Variants in CACNA1B observed in about 807,000 individuals in gnomAD.
CACNA1B encodes voltage-dependent N-type calcium channel subunit alpha-1B.
Under a neutral mutation model 247.2 loss-of-function variants are expected in CACNA1B, and 70 were observed. The observed-to-expected ratio is 0.28, with a 90% CI of 0.23 to 0.35. The LOEUF (loss-of-function observed/expected upper bound fraction) is 0.35, where lower values mean the gene tolerates loss of function less well. Ranked by LOEUF, CACNA1B falls within the 10% of genes least tolerant of loss-of-function variation. The pLI is 1.00. For synonymous variants in CACNA1B, 1,231 were observed against 1,294.4 expected (o/e 0.95, Z 1.05); for missense variants, 2,367 against 3,197.4 (o/e 0.74, Z 6.26).
Position 138,006,846 on chromosome 9 carries a change from C to T in CACNA1B, c.2054C>T (p.Ser685Leu). Residue 685 changes from serine (S) to leucine (L), a missense_variant, in exon 16 of 47, where the codon TCG becomes TTG. Physicochemically the swap from Ser to Leu is moderately radical, Grantham distance 145. Coordinates refer to ENST00000371372, the MANE Select transcript of CACNA1B (RefSeq NM_000718.4). ...SQGGVSKGMF[S>L]SFYFIVLTLF... Reference sequence around the variant, plus strand: ...GGCGGCGTCAGCAAAGGCATGTTCTCGTCCTTTTACTTCATTGTCCTGACA... The same window carrying T: ...GGCGGCGTCAGCAAAGGCATGTTCTTGTCCTTTTACTTCATTGTCCTGACA... 1.2e-6 allele frequency: 2 copies of T among 1,606,746 alleles called. No individual in the cohort carries two copies. Among genetic ancestry groups the T allele is most frequent in the Non-Finnish European group, 8.5e-7 (1 of 1,173,404 alleles).
At chr9:137,953,332 A>G (rs921420487) in intron 7 of CACNA1B, among the ~76,000 whole-genome samples, 6 of 152,170 alleles carry the variant, frequency 3.9e-5, no homozygotes, top group Admixed American at 2.6e-4. Context: ...TGTCCTCACT[A>G]TGATCCCTGC....
chr9:138,026,939 G>A (rs1290428734), intron 20 of CACNA1B, among the ~76,000 whole-genome samples: 2 of 152,180 alleles, frequency 1.3e-5, no homozygotes, highest in Non-Finnish European at 2.9e-5. Context: ...ATTCAGTGTT[G>A]TCAGTGTTTT....
chr9:138,087,375 A>ACT (rs1351627715), intron 36 of CACNA1B, among the ~76,000 whole-genome samples: 1 of 121,778 alleles, frequency 8.2e-6, no homozygotes, highest in Non-Finnish European at 1.6e-5. Flanking sequence ...ACAGAGTAAG[A>ACT]CTCTGTCTCA....
Position 138,102,078 on chromosome 9 carries a change from G to A in CACNA1B, c.5223-633G>A, listed in dbSNP as rs1961271295. Among the ~76,000 whole-genome samples the A allele has an allele frequency of 6.6e-6, 1 of 152,172 alleles. No homozygotes were observed. Among genetic ancestry groups the A allele is most frequent in the African/African-American group, 2.4e-5 (1 of 41,444 alleles). Reference sequence around the variant, plus strand: ...TGAGCCCCAGCAGCAGCCCTGCCCTGGGCTGGCCTCGGGCGTCTCTGGGCT... The same window carrying A: ...TGAGCCCCAGCAGCAGCCCTGCCCTAGGCTGGCCTCGGGCGTCTCTGGGCT... On this transcript the variant is annotated intron_variant, in intron 37 of 46. Coordinates refer to ENST00000371372, the MANE Select transcript of CACNA1B (RefSeq NM_000718.4). The surrounding 1 kb of genome is among the most constrained non-coding windows in gnomAD (Gnocchi z 5.4).
intron 20 of CACNA1B, among the ~76,000 whole-genome samples, chr9:138,042,662 T>G (rs1959139525): frequency 6.6e-6 from 1 of 152,220 alleles, no homozygotes. Context: ...AGTGGTCGCT[T>G]TAAACTGCTT....
chr9:137,900,674 A>T lies in CACNA1B; in HGVS notation c.531-12506A>T, dbSNP rs565920424. Among the ~76,000 whole-genome samples, 450 of 101,666 alleles carry T rather than the reference A, an allele frequency of 4.4e-3. 4 individuals carry two copies. Among genetic ancestry groups the T allele is most frequent in the African/African-American group, 0.017 (425 of 25,054 alleles). 66.7% of individuals were successfully genotyped at this position (101,666 alleles called of 152,430 possible). Reference sequence around the variant, plus strand: ...GTGCTGTGTGTCCCTGTGTTTGTGTATGTGTGTCTCTGTGTTCGTGTCTGT... The same window carrying T: ...GTGCTGTGTGTCCCTGTGTTTGTGTTTGTGTGTCTCTGTGTTCGTGTCTGT... On this transcript the variant is annotated intron_variant, in intron 3 of 46. Transcript: ENST00000371372.
chr9:137,910,222 C>T (rs562323216), intron 3 of CACNA1B, among the ~76,000 whole-genome samples: 2 of 152,228 alleles, frequency 1.3e-5, no homozygotes, highest in Admixed American at 1.3e-4. Flanking sequence ...GTCCGTTGCC[C>T]ATTTTAAAAT....
intron 15 of CACNA1B, among the ~76,000 whole-genome samples, chr9:137,989,859 G>A (rs1958411779): frequency 6.6e-6 from 1 of 152,100 alleles, no homozygotes; most frequent in Admixed American, 6.5e-5. Context: ...TACCCAAGAA[G>A]AAATTAACTG....
intron 44 of CACNA1B, among the ~76,000 whole-genome samples, chr9:138,119,597 C>G (rs539051263): frequency 6.6e-6 from 1 of 152,192 alleles, no homozygotes. Flanking sequence ...CCTCTCCTCC[C>G]TCTTAGGGTT....
chr9:137,934,147 G>A (rs1471805684), intron 6 of CACNA1B, among the ~76,000 whole-genome samples: 2 of 152,170 alleles, frequency 1.3e-5, no homozygotes, highest in African/African-American at 4.8e-5. Flanking sequence ...TTATTTTTCG[G>A]CTGTCTTTTA....
intron 34 of CACNA1B, among the ~76,000 whole-genome samples, chr9:138,074,440 C>T (rs1055253325): frequency 2.6e-5 from 4 of 152,164 alleles, no homozygotes; most frequent in African/African-American, 9.7e-5. Context: ...AGGGTTTCAC[C>T]ATGTTGGCCA....
intron 20 of CACNA1B, among the ~76,000 whole-genome samples, chr9:138,035,420 C>G (rs747658861): frequency 6.6e-6 from 1 of 152,086 alleles, no homozygotes; most frequent in East Asian, 1.9e-4. Flanking sequence ...GAGCTGTGAT[C>G]GTGCCACTGC....
At chr9:138,116,090 C>T (rs1283692167) in intron 42 of CACNA1B, among the ~76,000 whole-genome samples, 1 of 152,234 alleles carries the variant, frequency 6.6e-6, no homozygotes, top group Non-Finnish European at 1.5e-5. Flanking sequence ...CACGCACCTG[C>T]TTCCCTTTCA....
At chr9:138,081,205 C>G (rs770445026) in intron 36 of CACNA1B, among the ~76,000 whole-genome samples, 14 of 152,212 alleles carry the variant, frequency 9.2e-5, no homozygotes, top group Non-Finnish European at 1.9e-4. Flanking sequence ...CATGATACCA[C>G]ACCACGTACA....
In CACNA1B at chr9:137,954,185, CA is replaced by C. The variant is rs996351852; in HGVS notation, c.1071-1512del. Reference sequence around the variant, plus strand: ...CAGGCCCAGCAGAGGGCCCCCAAGCCAGGGGCTGGCACCCCCCATGTGGGTC... The same window carrying C: ...CAGGCCCAGCAGAGGGCCCCCAAGCCGGGGCTGGCACCCCCCATGTGGGTC... On this transcript the variant is annotated intron_variant, in intron 7 of 46. Coordinates refer to ENST00000371372, the MANE Select transcript of CACNA1B (RefSeq NM_000718.4). This position sits in a 1 kb window ranked among gnomAD's most constrained non-coding sequence, Gnocchi z 4.1. Among the ~76,000 whole-genome samples, 3 of 152,164 alleles carry C rather than the reference CA, an allele frequency of 2.0e-5. No individual in the cohort carries two copies. The highest frequency in any genetic ancestry group is 7.2e-5 in the African/African-American group (3 of 41,446).
intron 6 of CACNA1B, among the ~76,000 whole-genome samples, chr9:137,938,319 A>G (rs1957693577): frequency 6.6e-6 from 1 of 152,212 alleles, no homozygotes; most frequent in Admixed American, 6.5e-5. Flanking sequence ...TTAAAGCATA[A>G]ATCCAACAGG....
chr9:137,906,783 A>T (rs767893142), intron 3 of CACNA1B, among the ~76,000 whole-genome samples: 8 of 151,154 alleles, frequency 5.3e-5, no homozygotes, highest in African/African-American at 2.0e-4. Flanking sequence ...TAACATATGT[A>T]TTCCTCTGCA....
At chr9:137,916,816 C>T (rs963191031) in intron 5 of CACNA1B, among the ~76,000 whole-genome samples, 3 of 148,618 alleles carry the variant, frequency 2.0e-5, no homozygotes, top group African/African-American at 5.0e-5. Flanking sequence ...GTACAGTCAG[C>T]GTGGTGGTTT....
chr9:137,971,659 T>G lies in CACNA1B; in HGVS notation c.1543+67T>G. 1 of 1,387,576 alleles carries G rather than the reference T, an allele frequency of 7.2e-7. No homozygotes were observed. The highest frequency in any genetic ancestry group is 1.4e-5 in the African/African-American group (1 of 70,472). The allele number at this position is 1,387,576 out of a possible 1,614,324, so 86.0% of individuals were successfully genotyped here. A position where few individuals can be genotyped will look rare whatever the true frequency, so the allele number is the denominator to read the frequency against. ...TCTGCTCTCAGTCTGGAAACCCTGG[T>G]CCATGCCCTGGGGCTACCCCAGGTG... is the stretch of plus-strand genomic sequence containing the variant. On this transcript the variant is annotated intron_variant, in intron 11 of 46. Coordinates refer to ENST00000371372, the MANE Select transcript of CACNA1B (RefSeq NM_000718.4). The surrounding 1 kb of genome is among the most constrained non-coding windows in gnomAD (Gnocchi z 4.4).
Sources: allele counts gnomAD v4.1 joint callset (sites outside exome capture counted in the v4.1 genomes callset), GRCh38; gene constraint gnomAD v4.1.1; non-coding constraint Gnocchi (gnomAD v3.1); transcripts MANE v1.5; gene names NCBI Gene and HGNC (gene_info 2026-07-23, HGNC 2026-07-21).